The following HDAC4 variants were observed in gnomAD, a reference collection of about 807,000 sequenced individuals.
HDAC4 encodes the protein histone deacetylase A.
Under a neutral mutation model 135.1 loss-of-function variants are expected in HDAC4, and 16 were observed. The observed-to-expected ratio is 0.12, with a 90% confidence interval of 0.08 to 0.18. HDAC4 has a LOEUF of 0.18. Among genes scored for constraint, HDAC4 ranks in the 10% least tolerant of loss-of-function variants. HDAC4 has a pLI of 1.00. For synonymous variants in HDAC4, 685 were observed against 653.4 expected (o/e 1.05, Z -0.74); for missense variants, 1,143 against 1,511.8 (o/e 0.76, Z 4.05).
chr2:239,339,867 G>C (rs1375903554), intron 2 of HDAC4, among the ~76,000 whole-genome samples: 1 of 152,200 alleles, frequency 6.6e-6, no homozygotes, highest in Non-Finnish European at 1.5e-5. Context: ...GCAGACCACA[G>C]AGAGTTCAAG....
chr2:239,398,573 A>G (rs1696721370), intron 1 of HDAC4, among the ~76,000 whole-genome samples: 1 of 152,254 alleles, frequency 6.6e-6, no homozygotes, highest in South Asian at 2.1e-4. Context: ...GTCTCTGGCC[A>G]CAGAGTCCAG....
intron 6 of HDAC4, among the ~76,000 whole-genome samples, chr2:239,158,478 C>G (rs2042563123): frequency 6.6e-6 from 1 of 152,182 alleles, no homozygotes; most frequent in Non-Finnish European, 1.5e-5. Context: ...GGTTTAAGAT[C>G]TAACAGACGT....
intron 8 of HDAC4, among the ~76,000 whole-genome samples, chr2:239,142,826 CCT>C (rs1379251421): frequency 1.3e-5 from 2 of 148,240 alleles, no homozygotes; most frequent in African/African-American, 5.0e-5. Flanking sequence ...CTGATCATGC[CCT>C]GTCACACATG....
intron 19 of HDAC4, chr2:239,085,826 C>T (rs936249789): frequency 3.4e-5 from 5 of 147,262 alleles, no homozygotes; most frequent in African/African-American, 1.0e-4. Context: ...CTATCTCTCA[C>T]GTACAATCTC....
Position 239,266,537 on chromosome 2 carries a change from C to T in HDAC4, c.23-29873G>A, listed in dbSNP as rs138067908. Among the ~76,000 whole-genome samples the T allele has an allele frequency of 9.5e-4, 145 of 152,292 alleles. 2 individuals are homozygous for T. Among genetic ancestry groups the T allele is most frequent in the African/African-American group, 3.2e-3 (135 of 41,560 alleles). On this transcript the variant is annotated intron_variant, in intron 2 of 26. Coordinates refer to ENST00000543185, the MANE Select transcript of HDAC4 (RefSeq NM_001378414.1). ...GCTAACAATTACATACCAGCTGTCC[C>T]GAGGCAAGAGTCCACGATTTCATGA...
At chr2:239,148,785 G>C in intron 7 of HDAC4, among the ~76,000 whole-genome samples, 1 of 152,266 alleles carries the variant, frequency 6.6e-6, no homozygotes. Flanking sequence ...CAGGCCGGGA[G>C]AGCAGACCGT....
At chr2:239,114,376 G>C (rs2038944393) in intron 13 of HDAC4, among the ~76,000 whole-genome samples, 1 of 152,200 alleles carries the variant, frequency 6.6e-6, no homozygotes, top group Non-Finnish European at 1.5e-5. Flanking sequence ...CTGGCTTCCT[G>C]CCTACAGGGA....
chr2:239,286,611 C>T (rs1490283690), intron 2 of HDAC4, among the ~76,000 whole-genome samples: 1 of 152,174 alleles, frequency 6.6e-6, no homozygotes, highest in East Asian at 1.9e-4. Flanking sequence ...ATAAAACACA[C>T]AAACTCACAG....
chr2:239,174,940 T>C (rs1575293133), intron 5 of HDAC4, among the ~76,000 whole-genome samples: 1 of 152,240 alleles, frequency 6.6e-6, no homozygotes, highest in Non-Finnish European at 1.5e-5. Flanking sequence ...GCAAAATTAA[T>C]CTTCCATGTT....
rs2030446780 is a variant in HDAC4 at position 239,049,204 on chromosome 2, T to C, written c.*3893A>G. ...GTTTAAGTAGTCCTTTTTATTTTTC[T>C]TACAATAAAAAGTACAATTTCTTAA... On this transcript the variant is annotated 3_prime_UTR_variant, in exon 27 of 27. Transcript: ENST00000543185. 1 of 152,560 alleles carries C rather than the reference T, an allele frequency of 6.6e-6. No individual in the cohort carries two copies. The highest frequency in any genetic ancestry group is 2.4e-5 in the African/African-American group (1 of 41,432). 9.5% of individuals were successfully genotyped at this position (152,560 alleles called of 1,614,324 possible). A position where few individuals can be genotyped will look rare whatever the true frequency, so the allele number is the denominator to read the frequency against.
chr2:239,394,861 C>A (rs1331123023), intron 1 of HDAC4, among the ~76,000 whole-genome samples: 1 of 152,248 alleles, frequency 6.6e-6, no homozygotes, highest in Non-Finnish European at 1.5e-5. Flanking sequence ...GCACAGGGTA[C>A]AGAGCAGGCA....
chr2:239,135,487 G>A (rs997417739), intron 9 of HDAC4, among the ~76,000 whole-genome samples: 5 of 152,182 alleles, frequency 3.3e-5, no homozygotes, highest in Non-Finnish European at 5.9e-5. Flanking sequence ...CCAACAAATT[G>A]GCAAACACTT....
intron 1 of HDAC4, among the ~76,000 whole-genome samples, chr2:239,379,944 C>T (rs913926388): frequency 6.6e-5 from 10 of 152,190 alleles, no homozygotes; most frequent in African/African-American, 1.4e-4. Context: ...CGGGGTGACT[C>T]GGGGGGAAGC....
chr2:239,297,798 A>G (rs954911689), intron 2 of HDAC4, among the ~76,000 whole-genome samples: 1 of 152,392 alleles, frequency 6.6e-6, no homozygotes, highest in South Asian at 2.1e-4. Flanking sequence ...AGAAAATCTT[A>G]GAAAGACTAT....
intron 1 of HDAC4, among the ~76,000 whole-genome samples, chr2:239,384,619 A>C (rs1426581410): frequency 6.6e-6 from 1 of 152,160 alleles, no homozygotes; most frequent in Non-Finnish European, 1.5e-5. Context: ...TCTATCTCAG[A>C]AAAAGGCAAA....
chr2:239,161,136 C>T (rs60389739), intron 6 of HDAC4, among the ~76,000 whole-genome samples: 8,473 of 152,170 alleles, frequency 0.056, 775 homozygotes, highest in African/African-American at 0.19. Flanking sequence ...TTTAAGTGGG[C>T]GGCTTGTCTT....
rs1159452824 is a variant in HDAC4, at chr2:239,282,984, GTACCACTCTACAATGTACA to G, written c.23-46339_23-46321del. 1.1e-4 allele frequency among the ~76,000 whole-genome samples: 16 copies of G among 143,868 alleles called. No homozygotes were observed. In the South Asian group the frequency reaches 3.6e-3, roughly 32 times the overall value. 94.4% of individuals were successfully genotyped at this position (143,868 alleles called of 152,430 possible). A position where few individuals can be genotyped will look rare whatever the true frequency, so the allele number is the denominator to read the frequency against. On this transcript the variant is annotated intron_variant, in intron 2 of 26. Coordinates refer to ENST00000543185, the MANE Select transcript of HDAC4 (RefSeq NM_001378414.1). Reference sequence around the variant, plus strand: ...AATGTACACACCACTCTCAATGTACGTACCACTCTACAATGTACATACCACTCTACACACAATGTACACA... The same window carrying G: ...AATGTACACACCACTCTCAATGTACGTACCACTCTACACACAATGTACACA...
chr2:239,197,337 T>C (rs953010634), intron 3 of HDAC4, among the ~76,000 whole-genome samples: 2 of 152,186 alleles, frequency 1.3e-5, no homozygotes, highest in Non-Finnish European at 2.9e-5. Flanking sequence ...TGAGTGTGAC[T>C]CGATGTCTCT....
chr2:239,323,147 T>G (rs1253340442), intron 2 of HDAC4, among the ~76,000 whole-genome samples: 3 of 152,164 alleles, frequency 2.0e-5, no homozygotes, highest in Non-Finnish European at 4.4e-5. Context: ...TACAAAAAAT[T>G]TAAGTCCCAT....
Sources: allele counts gnomAD v4.1 joint callset (sites outside exome capture counted in the v4.1 genomes callset), GRCh38; gene constraint gnomAD v4.1.1; transcripts MANE v1.5; gene names NCBI Gene and HGNC (gene_info 2026-07-23, HGNC 2026-07-21).